TAF4B: variants seen among roughly 807,000 people sequenced by gnomAD.
TAF4B encodes TATA-box binding protein associated factor 4b.
TAF4B carries 38 observed loss-of-function variants against 86.4 expected under a neutral mutation model. The observed-to-expected ratio is 0.44, with a 90% CI of 0.34 to 0.58. The LOEUF (loss-of-function observed/expected upper bound fraction) is 0.58. TAF4B is among the 20% of genes least tolerant of loss of function. TAF4B has a pLI of 0.02. For missense variants in TAF4B, 988 were observed against 1,027.6 expected (o/e 0.96, Z 0.53); for synonymous variants, 388 against 391.2 (o/e 0.99, Z 0.10).
intron 10 of TAF4B, among the ~76,000 whole-genome samples, chr18:26,318,496 A>G (rs1354380606): frequency 1.3e-5 from 2 of 152,186 alleles, no homozygotes; most frequent in Non-Finnish European, 2.9e-5. Context: ...TTACAAATTT[A>G]CCCAAAGATT....
chr18:26,389,989 C>G lies in TAF4B; in HGVS notation c.2566C>G (p.Leu856Val), dbSNP rs1377335739. The G allele has an allele frequency of 6.2e-7, 1 of 1,614,068 alleles. No individual in the cohort carries two copies. The highest frequency in any genetic ancestry group is 8.5e-7 in the Non-Finnish European group (1 of 1,179,976). Reference protein sequence around the residue: ...QEREMKYSRALYLALLK With the variant: ...QEREMKYSRAVYLALLK The stretch of plus-strand genomic sequence containing the variant: ...ACGGGAGATGAAGTATTCTCGAGCT[C>G]TATACCTGGCCCTTCTGAAGTGACC... The change falls in exon 15 of 15, where the codon CTA becomes GTA. Residue 856 changes from leucine (L) to valine (V), a missense_variant. Leu to Val is a conservative substitution (Grantham distance 32). Around this residue, in one of 3 missense-constraint regions of TAF4B, gnomAD observed 216 missense variants for 238.4 expected, o/e 0.91. Transcript: ENST00000269142.
intron 1 of TAF4B, among the ~76,000 whole-genome samples, chr18:26,248,921 C>G (rs543728477): frequency 6.6e-6 from 1 of 151,566 alleles, no homozygotes; most frequent in South Asian, 2.1e-4. Context: ...CGCCTGTAAT[C>G]CCAGCACTTT....
chr18:26,297,604 C>T (rs1278346611), intron 9 of TAF4B, among the ~76,000 whole-genome samples: 2 of 152,160 alleles, frequency 1.3e-5, no homozygotes, highest in East Asian at 3.9e-4. Context: ...CATGTTGTGT[C>T]TGGCTTCTTT....
intron 13 of TAF4B, among the ~76,000 whole-genome samples, chr18:26,346,805 A>G (rs796948392): frequency 0.014 from 346 of 24,462 alleles, 35 homozygotes; most frequent in Non-Finnish European, 0.026. Context: ...ATATGTGTAT[A>G]TATATATATA....
At chr18:26,251,694 A>C (rs2056009071) in intron 1 of TAF4B, among the ~76,000 whole-genome samples, 1 of 152,294 alleles carries the variant, frequency 6.6e-6, no homozygotes, top group South Asian at 2.1e-4. Context: ...ACTTATCAGG[A>C]TTGGATTCAA....
intron 9 of TAF4B, among the ~76,000 whole-genome samples, chr18:26,294,837 A>G (rs1453258802): frequency 6.7e-6 from 1 of 150,216 alleles, no homozygotes; most frequent in African/African-American, 2.4e-5. Flanking sequence ...GCAAGCCTGA[A>G]ACGAGATCTT....
At chr18:26,315,583 TG>T (rs1435626019) in intron 10 of TAF4B, among the ~76,000 whole-genome samples, 185 bp downstream of exon 10, 1 of 152,104 alleles carries the variant, frequency 6.6e-6, no homozygotes. Context: ...TAATATAACA[TG>T]GTATTGGGTT....
intron 14 of TAF4B, among the ~76,000 whole-genome samples, chr18:26,374,840 A>C (rs531178388): frequency 6.6e-6 from 1 of 152,338 alleles, no homozygotes; most frequent in African/African-American, 2.4e-5. Context: ...GGAATATTGA[A>C]GGAAAAGTAA....
intron 14 of TAF4B, among the ~76,000 whole-genome samples, chr18:26,371,755 A>T (rs1172344217): frequency 1.3e-5 from 2 of 151,964 alleles, no homozygotes; most frequent in East Asian, 1.9e-4. Flanking sequence ...AAATGATTAT[A>T]CTCCCGCAAC....
At chr18:26,316,603 C>T (rs1447824595) in intron 10 of TAF4B, among the ~76,000 whole-genome samples, 2 of 152,176 alleles carry the variant, frequency 1.3e-5, no homozygotes, top group Admixed American at 6.5e-5. Context: ...GTTAGCCAGG[C>T]TTGTCTTGAG....
chr18:26,351,224 A>G (rs1030229121), intron 13 of TAF4B, among the ~76,000 whole-genome samples: 1 of 152,212 alleles, frequency 6.6e-6, no homozygotes, highest in African/African-American at 2.4e-5. Context: ...GATAACATGG[A>G]TGGAAACTGG....
At chr18:26,380,846 T>C (rs964559775) in intron 14 of TAF4B, among the ~76,000 whole-genome samples, 5 of 151,910 alleles carry the variant, frequency 3.3e-5, no homozygotes, top group Admixed American at 2.0e-4. Flanking sequence ...TTTGGTTCAA[T>C]AGTTAATGTA....
At chr18:26,388,722 A>T (rs1978525972) in intron 14 of TAF4B, among the ~76,000 whole-genome samples, 1 of 152,234 alleles carries the variant, frequency 6.6e-6, no homozygotes, top group South Asian at 2.1e-4. Flanking sequence ...GTGAGGTTAG[A>T]GCGAAGGAAG....
chr18:26,344,195 C>T (rs757469599), intron 13 of TAF4B, among the ~76,000 whole-genome samples: 7 of 152,026 alleles, frequency 4.6e-5, no homozygotes, highest in Non-Finnish European at 8.8e-5. Context: ...TCAGTTAACC[C>T]AGTCAATAAA....
At chr18:26,268,372 C>A (rs531824653) in intron 3 of TAF4B, among the ~76,000 whole-genome samples, 4 of 152,184 alleles carry the variant, frequency 2.6e-5, no homozygotes, top group East Asian at 1.9e-4. Context: ...AACTACAGTC[C>A]CCACTGCTGC....
At chr18:26,331,648 T>C (rs1195595686) in intron 12 of TAF4B, among the ~76,000 whole-genome samples, 1 of 152,202 alleles carries the variant, frequency 6.6e-6, no homozygotes, top group Non-Finnish European at 1.5e-5. Context: ...GCATCATCTT[T>C]AACTCCATTC....
intron 12 of TAF4B, among the ~76,000 whole-genome samples, chr18:26,333,891 GCA>G: frequency 6.6e-6 from 1 of 152,016 alleles, no homozygotes; most frequent in Admixed American, 6.6e-5. Context: ...TAGAACAGTA[GCA>G]CACAGAGTAG....
intron 9 of TAF4B, among the ~76,000 whole-genome samples, chr18:26,298,303 A>G (rs1177521894): frequency 6.6e-6 from 1 of 152,000 alleles, no homozygotes; most frequent in African/African-American, 2.4e-5. Context: ...ATCTTGGCTC[A>G]GTGCAAGCTC....
At chr18:26,345,627 A>G (rs1336393001) in intron 13 of TAF4B, among the ~76,000 whole-genome samples, 5 of 152,202 alleles carry the variant, frequency 3.3e-5, no homozygotes, top group Admixed American at 2.6e-4. Flanking sequence ...TACTGTGTCC[A>G]CCTAGAACTC....
Sources: allele counts gnomAD v4.1 joint callset (sites outside exome capture counted in the v4.1 genomes callset), GRCh38; gene constraint gnomAD v4.1.1; regional missense constraint gnomAD v4.1.1; transcripts MANE v1.5; gene names NCBI Gene and HGNC (gene_info 2026-07-23, HGNC 2026-07-21).